GBE1: variants seen among roughly 807,000 people sequenced by gnomAD.
GBE1 encodes 1,4-alpha-glucan branching enzyme 1, also known as 1,4-alpha-glucan-branching enzyme.
Under a neutral mutation model 88.8 loss-of-function variants are expected in GBE1, and 70 were observed. The observed-to-expected ratio is 0.79, with a 90% CI of 0.65 to 0.96. GBE1 has a LOEUF of 0.96. Among genes scored for constraint, GBE1 ranks in the 40% least tolerant of loss-of-function variants. The probability of loss-of-function intolerance (pLI) is 0.00; values close to 1 mark genes in which losing one functional copy is unlikely to be tolerated. For missense variants in GBE1, 872 were observed against 871.0 expected (o/e 1.00, Z -0.01); for synonymous variants, 284 against 300.1 (o/e 0.95, Z 0.56).
chr3:81,649,010 T>C lies in GBE1; in HGVS notation c.556-19A>G, dbSNP rs1312731527. On this transcript the variant is annotated intron_variant, in intron 4 of 15. Transcript: ENST00000429644. Reference sequence around the variant, plus strand: ...GCTTAAACTACAGAATATAAAATTATGTATAGAGTTAAGCCAGGAATTCTG... The same window carrying C: ...GCTTAAACTACAGAATATAAAATTACGTATAGAGTTAAGCCAGGAATTCTG... 24 of 1,525,306 alleles carry C rather than the reference T, an allele frequency of 1.6e-5. No individual in the cohort carries two copies. Among genetic ancestry groups the C allele is most frequent in the East Asian group, 2.3e-5 (1 of 42,688 alleles). The allele number at this position is 1,525,306 out of a possible 1,614,324, so 94.5% of individuals were successfully genotyped here. A position where few individuals can be genotyped will look rare whatever the true frequency, so the allele number is the denominator to read the frequency against.
At chr3:81,696,831 C>A (rs888823905) in intron 2 of GBE1, among the ~76,000 whole-genome samples, 9 of 152,112 alleles carry the variant, frequency 5.9e-5, no homozygotes, top group East Asian at 3.8e-4. Context: ...ATTTATGTTA[C>A]ACAATTCAAA....
At chr3:81,658,930 G>A (rs1301754322) in intron 3 of GBE1, among the ~76,000 whole-genome samples, 1 of 152,098 alleles carries the variant, frequency 6.6e-6, no homozygotes, top group Non-Finnish European at 1.5e-5. Flanking sequence ...AGATTGATTA[G>A]GTGTCTTAGA....
chr3:81,496,600 A>T (rs1383549630), intron 15 of GBE1, among the ~76,000 whole-genome samples: 1 of 152,168 alleles, frequency 6.6e-6, no homozygotes, highest in Admixed American at 6.6e-5. Context: ...TAAGACCTAC[A>T]GCACTTATGA....
chr3:81,681,632 C>G (rs1371750285), intron 2 of GBE1, among the ~76,000 whole-genome samples: 1 of 152,138 alleles, frequency 6.6e-6, no homozygotes, highest in Non-Finnish European at 1.5e-5. Flanking sequence ...ACTCATGTGT[C>G]TATGGCCAAC....
At chr3:81,596,427 T>C (rs1185011029) in intron 7 of GBE1, among the ~76,000 whole-genome samples, 1 of 151,900 alleles carries the variant, frequency 6.6e-6, no homozygotes, top group African/African-American at 2.4e-5. Flanking sequence ...CCAAATGCTA[T>C]CTCTCCCCGC....
At chr3:81,507,176 GT>G (rs937605672) in intron 14 of GBE1, among the ~76,000 whole-genome samples, 72 of 148,060 alleles carry the variant, frequency 4.9e-4, no homozygotes, top group South Asian at 1.7e-3. Flanking sequence ...TATCCAGTTA[GT>G]TTTTTTTTTA....
intron 7 of GBE1, among the ~76,000 whole-genome samples, chr3:81,624,615 G>A (rs1484267105): frequency 2.6e-5 from 4 of 151,918 alleles, no homozygotes; most frequent in Non-Finnish European, 5.9e-5. Flanking sequence ...ATGATCAACC[G>A]GTATAAACTT....
chr3:81,700,925 A>G (rs1705678096), intron 2 of GBE1, among the ~76,000 whole-genome samples: 2 of 152,170 alleles, frequency 1.3e-5, no homozygotes, highest in South Asian at 4.1e-4. Context: ...TATAGCAAAT[A>G]AGAACCCAAT....
At chr3:81,555,346 T>A (rs189591432) in intron 12 of GBE1, among the ~76,000 whole-genome samples, 1 of 152,100 alleles carries the variant, frequency 6.6e-6, no homozygotes, top group African/African-American at 2.4e-5. Context: ...ACTACCACCC[T>A]CCATATAGGT....
At chr3:81,602,055 G>T (rs577745600) in intron 7 of GBE1, among the ~76,000 whole-genome samples, 5 of 152,278 alleles carry the variant, frequency 3.3e-5, no homozygotes, top group African/African-American at 9.6e-5. Context: ...AAATATGGGA[G>T]TATGAGACTG....
chr3:81,572,842 G>C (rs973104057), intron 12 of GBE1, among the ~76,000 whole-genome samples: 1 of 151,904 alleles, frequency 6.6e-6, no homozygotes, highest in African/African-American at 2.4e-5. Context: ...ACTGGACATA[G>C]TAGTCAATTT....
At chr3:81,608,559 C>A (rs1043576417) in intron 7 of GBE1, among the ~76,000 whole-genome samples, 2 of 152,234 alleles carry the variant, frequency 1.3e-5, no homozygotes, top group Middle Eastern at 3.4e-3. Flanking sequence ...ACATGTAGAA[C>A]TGTCATTGTG....
chr3:81,698,233 ATTAG>A (rs1705632505), intron 2 of GBE1, among the ~76,000 whole-genome samples: 2 of 151,966 alleles, frequency 1.3e-5, no homozygotes, highest in African/African-American at 4.8e-5. Flanking sequence ...TGTTGAAAAT[ATTAG>A]TTAAAAGAGG....
At chr3:81,748,133 G>A (rs1387846771) in intron 1 of GBE1, among the ~76,000 whole-genome samples, 3 of 151,234 alleles carry the variant, frequency 2.0e-5, no homozygotes, top group Non-Finnish European at 4.4e-5. Context: ...AACAAAAACC[G>A]GCAAGTGAAA....
At chr3:81,500,586 G>C (rs1421743720) in intron 14 of GBE1, among the ~76,000 whole-genome samples, 1 of 152,122 alleles carries the variant, frequency 6.6e-6, no homozygotes, top group African/African-American at 2.4e-5. Flanking sequence ...CACAACGTAG[G>C]CTTTTGATAG....
intron 1 of GBE1, among the ~76,000 whole-genome samples, chr3:81,720,316 T>A (rs1297223523): frequency 6.7e-6 from 1 of 150,008 alleles, no homozygotes; most frequent in African/African-American, 2.5e-5. Context: ...TATACACACA[T>A]ACACACACGC....
chr3:81,493,660 G>GT (rs1400600522), intron 15 of GBE1, among the ~76,000 whole-genome samples: 1 of 151,722 alleles, frequency 6.6e-6, no homozygotes, highest in African/African-American at 2.4e-5. Flanking sequence ...AGCCTCCTGA[G>GT]TAGCTGGGAT....
In GBE1 at chr3:81,557,917, T is replaced by C. The variant is rs570786089; in HGVS notation, c.1618+20008A>G. Reference sequence around the variant, plus strand: ...TGAGGAGTCAAACTGAACCAAGAGGTCAAAGGAGTTCAGGTAGTGGGTGCA... The same window carrying C: ...TGAGGAGTCAAACTGAACCAAGAGGCCAAAGGAGTTCAGGTAGTGGGTGCA... On this transcript the variant is annotated intron_variant, in intron 12 of 15. Transcript: ENST00000429644. Among the ~76,000 whole-genome samples the C allele has an allele frequency of 1.3e-4, 20 of 151,620 alleles. No individual in the cohort carries two copies. In the South Asian group the frequency reaches 2.9e-3, roughly 22 times the overall value.
intron 1 of GBE1, among the ~76,000 whole-genome samples, chr3:81,736,985 G>A (rs1559703384): frequency 6.6e-6 from 1 of 151,916 alleles, no homozygotes; most frequent in African/African-American, 2.4e-5. Context: ...CAGGAAGGCT[G>A]GTATTAAGTT....
Sources: gnomAD v4.1 joint callset for allele counts (sites outside exome capture counted in the v4.1 genomes callset) on GRCh38, gnomAD v4.1.1 for gene constraint, MANE v1.5 for transcripts, NCBI Gene and HGNC (gene_info 2026-07-23, HGNC 2026-07-21) for gene names.